RSPO2: variants seen among roughly 807,000 people sequenced by gnomAD.
RSPO2 encodes the protein R-spondin 2.
Under a neutral mutation model 30.9 loss-of-function variants are expected in RSPO2, and 14 were observed. The ratio of observed to expected loss-of-function variants is 0.45; its 90% CI spans 0.30 to 0.71. The LOEUF is 0.71. RSPO2 is among the 30% of genes least tolerant of loss of function. The pLI is 0.08. For missense variants in RSPO2, 264 were observed against 301.9 expected, an observed-to-expected ratio of 0.87 and a Z score of 0.93; for synonymous variants, 107 against 96.4, an observed-to-expected ratio of 1.11 and a Z score of -0.64.
intron 5 of RSPO2, among the ~76,000 whole-genome samples, chr8:107,938,122 T>C (rs181783910): frequency 3.3e-4 from 50 of 152,288 alleles, no homozygotes; most frequent in African/African-American, 1.1e-3. Context: ...AAATTAGAAG[T>C]CTTATCACCA....
At chr8:107,935,411 T>TA (rs1481390117) in intron 5 of RSPO2, among the ~76,000 whole-genome samples, 1 of 152,074 alleles carries the variant, frequency 6.6e-6, no homozygotes, top group Non-Finnish European at 1.5e-5. Context: ...CTGGGTCCTG[T>TA]AAAAAATTCT....
intron 2 of RSPO2, among the ~76,000 whole-genome samples, chr8:107,994,868 A>AGTAT (rs1380987836): frequency 1.3e-5 from 2 of 152,160 alleles, no homozygotes; most frequent in Non-Finnish European, 2.9e-5. Context: ...AGCTATACAG[A>AGTAT]GTACATTGTA....
At chr8:108,013,301 CACT>C (rs1160514192) in intron 2 of RSPO2, among the ~76,000 whole-genome samples, 1 of 152,022 alleles carries the variant, frequency 6.6e-6, no homozygotes, top group Non-Finnish European at 1.5e-5. Flanking sequence ...ACTTTTCCAC[CACT>C]GTTAATAAAT....
At chr8:108,078,017 G>A (rs908642773) in intron 2 of RSPO2, among the ~76,000 whole-genome samples, 1 of 152,142 alleles carries the variant, frequency 6.6e-6, no homozygotes, top group South Asian at 2.1e-4. Flanking sequence ...AAGGAAAGAA[G>A]TACCCTGGAT....
At chr8:107,974,847 T>TACACATACACACAC (rs1554578191) in intron 3 of RSPO2, among the ~76,000 whole-genome samples, 1 of 150,814 alleles carries the variant, frequency 6.6e-6, no homozygotes, top group Non-Finnish European at 1.5e-5. Flanking sequence ...CACATACACA[T>TACACATACACACAC]ACACACACAC....
intron 3 of RSPO2, among the ~76,000 whole-genome samples, chr8:107,981,191 T>A (rs1327861470): frequency 6.6e-6 from 1 of 152,108 alleles, no homozygotes; most frequent in Non-Finnish European, 1.5e-5. Flanking sequence ...CCTAGACTTT[T>A]TTTTTCCCCA....
chr8:107,944,574 A>T (rs778459053), intron 5 of RSPO2, among the ~76,000 whole-genome samples: 36 of 152,206 alleles, frequency 2.4e-4, no homozygotes, highest in Non-Finnish European at 4.0e-4. Flanking sequence ...CACAAAAAAA[A>T]TCTTAATTGC....
At chr8:108,063,957 G>A (rs1812568547) in intron 2 of RSPO2, among the ~76,000 whole-genome samples, 1 of 152,158 alleles carries the variant, frequency 6.6e-6, no homozygotes. Context: ...AAATGGTGCT[G>A]GGAAAACTGG....
intron 2 of RSPO2, among the ~76,000 whole-genome samples, chr8:108,031,204 C>A (rs1181371792): frequency 6.6e-6 from 1 of 152,140 alleles, no homozygotes; most frequent in Non-Finnish European, 1.5e-5. Context: ...AACCTACCAC[C>A]AGATTAATCT....
chr8:107,901,143 T>G lies in RSPO2; in HGVS notation c.664A>C (p.Arg222=). 2.5e-6 allele frequency: 4 copies of G among 1,614,096 alleles called. No individual in the cohort carries two copies. Among genetic ancestry groups the G allele is most frequent in the Non-Finnish European group, 3.4e-6 (4 of 1,179,962 alleles). Residue 222 remains arginine, a synonymous_variant, in exon 6 of 6, where the codon AGG becomes CGG. Transcript: ENST00000276659. ...AKEKRNKKKK[R]KLIERAQEQH... ...TCCTGGGCCCTTTCTATCAGCTTCC[T>G]TTTCTTTTTCTTGTTCCTCTTCTCC...
intron 2 of RSPO2, among the ~76,000 whole-genome samples, chr8:108,005,290 T>G (rs1222036141): frequency 1.3e-5 from 2 of 152,214 alleles, no homozygotes; most frequent in East Asian, 3.8e-4. Context: ...ATAAAGTTGC[T>G]ATTTTTTTCT....
At chr8:107,915,754 G>T (rs372092598) in intron 5 of RSPO2, among the ~76,000 whole-genome samples, 1 of 152,104 alleles carries the variant, frequency 6.6e-6, no homozygotes, top group Non-Finnish European at 1.5e-5. Context: ...TCCACTCTTC[G>T]CAGGTGACTA....
chr8:108,064,492 A>T (rs544344918), intron 2 of RSPO2, among the ~76,000 whole-genome samples: 1 of 152,344 alleles, frequency 6.6e-6, no homozygotes, highest in Admixed American at 6.5e-5. Context: ...CACACCATTT[A>T]GAATGGCAAT....
intron 5 of RSPO2, 114 bp from the exon 6 acceptor site, chr8:107,901,304 G>T: frequency 8.6e-7 from 1 of 1,164,546 alleles, no homozygotes; most frequent in Non-Finnish European, 1.2e-6. Flanking sequence ...ATCACCTATG[G>T]AAAAAGCCTC....
At chr8:108,038,324 T>C (rs987732429) in intron 2 of RSPO2, among the ~76,000 whole-genome samples, 6 of 152,170 alleles carry the variant, frequency 3.9e-5, no homozygotes, top group Non-Finnish European at 7.3e-5. Context: ...AATTTCATGA[T>C]AAAACTTGAA....
At chr8:108,017,545 C>A (rs1377240818) in intron 2 of RSPO2, among the ~76,000 whole-genome samples, 1 of 151,860 alleles carries the variant, frequency 6.6e-6, no homozygotes, top group African/African-American at 2.4e-5. Context: ...AGAGAAGGAG[C>A]AATAAAAGCA....
chr8:108,056,623 CAA>C (rs56256415), intron 2 of RSPO2, among the ~76,000 whole-genome samples: 2 of 71,838 alleles, frequency 2.8e-5, no homozygotes, highest in Admixed American at 1.8e-4. Flanking sequence ...AGACCCGTCT[CAA>C]AAAAAAAAAA....
chr8:107,927,101 A>C (rs1812402543), intron 5 of RSPO2, among the ~76,000 whole-genome samples: 1 of 152,092 alleles, frequency 6.6e-6, no homozygotes, highest in South Asian at 2.1e-4. Flanking sequence ...CTCCTTGAAG[A>C]GGTCCTTCAC....
At chr8:108,061,178 A>G (rs1161980641) in intron 2 of RSPO2, among the ~76,000 whole-genome samples, 5 of 151,824 alleles carry the variant, frequency 3.3e-5, no homozygotes, top group Non-Finnish European at 7.3e-5. Flanking sequence ...AAATTCACAC[A>G]TAACAATATT....
Sources: gnomAD v4.1 joint callset for allele counts (sites outside exome capture counted in the v4.1 genomes callset) on GRCh38, gnomAD v4.1.1 for gene constraint, MANE v1.5 for transcripts, NCBI Gene and HGNC (gene_info 2026-07-23, HGNC 2026-07-21) for gene names.